Variants in HYDIN observed in about 807,000 individuals in gnomAD.
HYDIN encodes the protein HYDIN axonemal central pair apparatus protein, also known as axonemal central pair apparatus protein HYDIN.
HYDIN carries 132 observed loss-of-function variants against 403.9 expected under a neutral mutation model. That is an observed-to-expected ratio of 0.33 (90% CI 0.28 to 0.38). The LOEUF (loss-of-function observed/expected upper bound fraction) is 0.38. Among genes scored for constraint, HYDIN ranks in the 10% least tolerant of loss-of-function variants. The pLI is 1.00. For missense variants in HYDIN, 2,827 were observed against 5,009.5 expected (o/e 0.56, Z 13.15); for synonymous variants, 1,202 against 1,891.7 (o/e 0.64, Z 9.46).
intron 80 of HYDIN, 135 bp from the exon 81 acceptor site, chr16:70,829,965 C>A (rs2036863089): frequency 1.4e-6 from 1 of 712,352 alleles, no homozygotes; most frequent in East Asian, 2.7e-5. Flanking sequence ...GGGTCCGTTT[C>A]TTTTTCTTTC....
intron 4 of HYDIN, among the ~76,000 whole-genome samples, chr16:71,176,252 C>A (rs2086667018): frequency 6.6e-6 from 1 of 150,948 alleles, no homozygotes; most frequent in South Asian, 2.1e-4. Flanking sequence ...TTCCAGTGAG[C>A]CGAGATCGGG....
intron 23 of HYDIN, among the ~76,000 whole-genome samples, chr16:70,995,178 G>A (rs1371518933): frequency 2.0e-5 from 3 of 152,136 alleles, no homozygotes; most frequent in East Asian, 1.9e-4. Flanking sequence ...CAGAAAACCT[G>A]CTCCAAAATA....
At chr16:71,136,682 G>C (rs1396034052) in intron 8 of HYDIN, among the ~76,000 whole-genome samples, 2 of 146,142 alleles carry the variant, frequency 1.4e-5, no homozygotes, top group African/African-American at 5.1e-5. Flanking sequence ...CAGGAGAATT[G>C]CTTGAACCCA....
chr16:70,849,255 T>C (rs2038448703), intron 75 of HYDIN, among the ~76,000 whole-genome samples: 1 of 152,090 alleles, frequency 6.6e-6, no homozygotes, highest in African/African-American at 2.4e-5. Context: ...ATTCAGCCAT[T>C]TTTCTTGAAT....
intron 50 of HYDIN, among the ~76,000 whole-genome samples, chr16:70,906,909 C>G (rs969021926): frequency 5.3e-5 from 8 of 152,218 alleles, no homozygotes; most frequent in African/African-American, 1.9e-4. Flanking sequence ...CATCTCCTTG[C>G]TCCTCCTTTT....
chr16:70,888,357 G>A (rs1276194633), intron 58 of HYDIN, among the ~76,000 whole-genome samples: 1 of 152,138 alleles, frequency 6.6e-6, no homozygotes, highest in Admixed American at 6.5e-5. Flanking sequence ...GCTTTCTTTT[G>A]GCACTGCCCT....
intron 80 of HYDIN, among the ~76,000 whole-genome samples, chr16:70,832,581 C>T (rs783897): frequency 5.3e-5 from 8 of 152,268 alleles, no homozygotes; most frequent in Non-Finnish European, 1.2e-4. Context: ...AAGGTGTTAA[C>T]GCTTTAATCA....
chr16:71,130,064 A>G (rs1022455592), intron 8 of HYDIN, among the ~76,000 whole-genome samples: 9 of 152,054 alleles, frequency 5.9e-5, no homozygotes, highest in Non-Finnish European at 1.0e-4. Context: ...TTCCTATTCA[A>G]TACTCATTGC....
rs775284709 is a variant in HYDIN at position 70,962,312 on chromosome 16, GTC to G, written c.5789-176_5789-175del. 8.0e-4 allele frequency among the ~76,000 whole-genome samples: 121 copies of G among 150,720 alleles called. No homozygotes were observed. The Middle Eastern group carries it at 0.017, about 21-fold the overall frequency. ...ACTGCAGTCAGTTGGCTATTCCTCA[GTC>G]TCTCTGTGCACAGTGTTTCTACATT... On this transcript the variant is annotated intron_variant, in intron 37 of 85. Coordinates refer to ENST00000393567, the MANE Select transcript of HYDIN (RefSeq NM_001270974.2).
intron 85 of HYDIN, 70 bp downstream of exon 85, chr16:70,809,713 C>G: frequency 8.3e-7 from 1 of 1,202,822 alleles, no homozygotes; most frequent in Non-Finnish European, 1.2e-6. Context: ...CTCCCTGTGT[C>G]TCCTCTCATT....
chr16:71,018,681 C>A (rs1352266410), intron 22 of HYDIN, among the ~76,000 whole-genome samples: 2 of 151,796 alleles, frequency 1.3e-5, no homozygotes, highest in Non-Finnish European at 3.0e-5. Context: ...TATATGGATA[C>A]ACATTTTATT....
chr16:70,870,097 T>G (rs7188327), intron 65 of HYDIN, among the ~76,000 whole-genome samples: 5,622 of 151,850 alleles, frequency 0.037, 152 homozygotes, highest in African/African-American at 0.13. Flanking sequence ...TTGAGGGAGA[T>G]GATTTAGGTT....
At chr16:71,208,659 TAGAAGAATGA>T (rs1417190687) in intron 1 of HYDIN, among the ~76,000 whole-genome samples, 2 of 151,592 alleles carry the variant, frequency 1.3e-5, no homozygotes, top group Non-Finnish European at 2.9e-5. Context: ...GACCACCAGC[TAGAAGAATGA>T]AGAAGAAAAG....
intron 1 of HYDIN, among the ~76,000 whole-genome samples, chr16:71,199,843 AG>A (rs1374437065): frequency 1.3e-5 from 2 of 152,236 alleles, no homozygotes; most frequent in Non-Finnish European, 2.9e-5. Context: ...TACAAGTGTC[AG>A]AGGCGTGTGA....
At chr16:70,896,348 A>T (rs1361646213) in intron 53 of HYDIN, among the ~76,000 whole-genome samples, 1 of 151,758 alleles carries the variant, frequency 6.6e-6, no homozygotes. Flanking sequence ...GGTAGACATT[A>T]CAGGAAAGTG....
At chr16:70,974,100 G>C (rs1377589222) in intron 33 of HYDIN, 73 bp downstream of exon 33, 2 of 987,640 alleles carry the variant, frequency 2.0e-6, no homozygotes, top group Non-Finnish European at 2.9e-6. Context: ...ATAATAACTG[G>C]ATTATCCCAG....
chr16:71,010,134 CAGAA>C, intron 23 of HYDIN, among the ~76,000 whole-genome samples: 1 of 139,644 alleles, frequency 7.2e-6, no homozygotes, highest in Non-Finnish European at 1.5e-5. Flanking sequence ...GCTGAGGGGG[CAGAA>C]AATAGGCTGT....
intron 10 of HYDIN, among the ~76,000 whole-genome samples, chr16:71,094,907 T>C (rs1407026389): frequency 6.6e-6 from 1 of 151,824 alleles, no homozygotes; most frequent in African/African-American, 2.4e-5. Context: ...CACTCACAGA[T>C]ATACCCAAAA....
chr16:70,972,057 T>TC (rs925641265), intron 35 of HYDIN, among the ~76,000 whole-genome samples: 10 of 151,776 alleles, frequency 6.6e-5, no homozygotes, highest in African/African-American at 2.4e-4. Flanking sequence ...TCTATTTTTT[T>TC]TTTTTACTAT....
Sources: allele counts gnomAD v4.1 joint callset (sites outside exome capture counted in the v4.1 genomes callset), GRCh38; gene constraint gnomAD v4.1.1; transcripts MANE v1.5; gene names NCBI Gene and HGNC (gene_info 2026-07-23, HGNC 2026-07-21).